UBR4: variants seen among roughly 807,000 people sequenced by gnomAD.
UBR4 encodes ubiquitin protein ligase E3 component n-recognin 4, also known as E3 ubiquitin-protein ligase UBR4.
A neutral mutation model predicts 575.6 loss-of-function variants in UBR4; 124 were observed. The ratio of observed to expected loss-of-function variants is 0.22; its 90% confidence interval spans 0.19 to 0.25. The LOEUF is 0.25. Ranked by LOEUF, UBR4 falls within the 10% of genes least tolerant of loss-of-function variation. The probability of loss-of-function intolerance (pLI) is 1.00; values close to 1 mark genes in which losing one functional copy is unlikely to be tolerated. For synonymous variants in UBR4, 2,455 were observed against 2,473.7 expected, an observed-to-expected ratio of 0.99 and a Z score of 0.22; for missense variants, 4,818 against 6,478.8, an observed-to-expected ratio of 0.74 and a Z score of 8.80.
At chr1:19,177,109 C>T (rs1482998943) in intron 19 of UBR4, among the ~76,000 whole-genome samples, 17 of 152,128 alleles carry the variant, frequency 1.1e-4, no homozygotes, top group Non-Finnish European at 1.5e-5. Flanking sequence ...TTTACCAATC[C>T]ATAAAATTTA....
chr1:19,084,394 C>A (rs555442103), intron 102 of UBR4, 110 bp downstream of exon 102: 22 of 1,198,470 alleles, frequency 1.8e-5, no homozygotes, highest in Non-Finnish European at 2.2e-5. Context: ...TTAGGCCAGA[C>A]GCTTGCTCCG....
chr1:19,174,274 T>C lies in UBR4; in HGVS notation c.2982+45A>G, dbSNP rs747786544. 1.8e-5 allele frequency: 28 copies of C among 1,565,366 alleles called. 1 individual carries two copies. The Middle Eastern group carries it at 1.7e-3, about 94-fold the overall frequency. ...GGAAATTTCTGATAGAAATGATCAATGATCAAACACAACCCAAAGACTTCT... is the reference window on the plus strand; with the variant it reads ...GGAAATTTCTGATAGAAATGATCAACGATCAAACACAACCCAAAGACTTCT... On this transcript the variant is annotated intron_variant, in intron 22 of 105. Coordinates refer to ENST00000375254, the MANE Select transcript of UBR4 (RefSeq NM_020765.3).
intron 100 of UBR4, 49 bp from the exon 101 acceptor site, chr1:19,086,319 C>A: frequency 7.6e-7 from 1 of 1,314,838 alleles, no homozygotes; most frequent in Non-Finnish European, 9.9e-7. Flanking sequence ...ATTAACGTGG[C>A]AACCAGGCAC....
chr1:19,210,036 C>G, intron 1 of UBR4, 37 bp downstream of exon 1: 3 of 1,516,938 alleles, frequency 2.0e-6, no homozygotes, highest in South Asian at 2.5e-5. Flanking sequence ...CCCCTCCCCC[C>G]ACAACAGCGT....
At chr1:19,171,003 G>A in intron 25 of UBR4, 120 bp from the exon 26 acceptor site, 1 of 1,345,220 alleles carries the variant, frequency 7.4e-7, no homozygotes, top group Non-Finnish European at 1.0e-6. Context: ...TAATGTAGTT[G>A]ATAGTGCCTG....
chr1:19,197,677 G>A lies in UBR4; in HGVS notation c.886C>T (p.Arg296Cys), dbSNP rs200068490. ...PATVADATAV[R>C]NGFHSLVIDV... Reference sequence around the variant, plus strand: ...CACTGTGAAGCACCTTACCCATTACGAACAGCAGTGGCATCTGCTACTGTT... The same window carrying A: ...CACTGTGAAGCACCTTACCCATTACAAACAGCAGTGGCATCTGCTACTGTT... Residue 296 changes from arginine (R) to cysteine (C), a missense_variant, in exon 7 of 106, where the codon CGT becomes TGT. Coordinates refer to ENST00000375254, the MANE Select transcript of UBR4 (RefSeq NM_020765.3). 25 of 1,613,824 alleles carry A rather than the reference G, an allele frequency of 1.5e-5. No homozygotes were observed. The highest frequency in any genetic ancestry group is 3.3e-5 in the Admixed American group (2 of 59,990).
intron 20 of UBR4, among the ~76,000 whole-genome samples, 169 bp downstream of exon 20, chr1:19,176,423 T>C (rs1266032215): frequency 6.6e-6 from 1 of 152,190 alleles, no homozygotes; most frequent in African/African-American, 2.4e-5. Flanking sequence ...AAATGTAGGC[T>C]ATGTGGGAGT....
At chr1:19,075,271 G>A in intron 105 of UBR4, 1 of 297,694 alleles carries the variant, frequency 3.4e-6, no homozygotes, top group South Asian at 3.1e-5. Flanking sequence ...CTGGCTGCAG[G>A]CCAGGGGTGC....
At chr1:19,123,364 T>C (rs1410959976) in intron 65 of UBR4, among the ~76,000 whole-genome samples, 1 of 151,476 alleles carries the variant, frequency 6.6e-6, no homozygotes, top group African/African-American at 2.4e-5. Flanking sequence ...GGCAGAAGAA[T>C]TGCTTGAACC....
intron 2 of UBR4, 51 bp downstream of exon 2, chr1:19,201,666 AT>A (rs1214481878): frequency 6.7e-7 from 1 of 1,494,238 alleles, no homozygotes; most frequent in Non-Finnish European, 9.3e-7. Flanking sequence ...AGGATAAACA[AT>A]CCCCCTATTC....
rs1400078173 is a variant in UBR4 at position 19,093,378 on chromosome 1, A to G, written c.14046T>C (p.Ile4682=). 1 of 1,614,074 alleles carries G rather than the reference A, an allele frequency of 6.2e-7. No homozygotes were observed. Among genetic ancestry groups the G allele is most frequent in the Non-Finnish European group, 8.5e-7 (1 of 1,180,046 alleles). The change falls in exon 96 of 106, where the codon ATT becomes ATC. Residue 4682 remains isoleucine, a synonymous_variant. Coordinates refer to ENST00000375254, the MANE Select transcript of UBR4 (RefSeq NM_020765.3). The surrounding 1 kb of genome is among the most constrained non-coding windows in gnomAD (Gnocchi z 4.8). Reference sequence around the variant, plus strand: ...CATTCTGGGTGATCCCCTTCTGGAGAATCAGATCCTTCAGCTGGTGCCCAT... The same window carrying G: ...CATTCTGGGTGATCCCCTTCTGGAGGATCAGATCCTTCAGCTGGTGCCCAT... ...NSNGHQLKDL[I]LQKGITQNAL...
At chr1:19,128,582 T>C (rs2082074011) in intron 61 of UBR4, among the ~76,000 whole-genome samples, 1 of 152,194 alleles carries the variant, frequency 6.6e-6, no homozygotes, top group South Asian at 2.1e-4. Flanking sequence ...CTATATTATA[T>C]CCAAGCAAGT....
At chr1:19,095,805 G>T in intron 92 of UBR4, 153 bp from the exon 93 acceptor site, 1 of 622,214 alleles carries the variant, frequency 1.6e-6, no homozygotes, top group Admixed American at 2.8e-5. Flanking sequence ...CTCTTCAGGG[G>T]ACATGGTGAG....
At position 19,104,069 on chromosome 1, in the gene UBR4, A is replaced by G. The variant is rs764717198; in HGVS notation, c.12901+15T>C. The G allele has an allele frequency of 1.9e-6, 3 of 1,613,558 alleles. No individual in the cohort carries two copies. The East Asian group carries it at 6.7e-5, about 36-fold the overall frequency. ...GGGACAGTGCCTTAGGCTCCAGGCC[A>G]CTGGGCAGTGCTACCTGTGGTCATG... On this transcript the variant is annotated intron_variant, in intron 87 of 105. Transcript: ENST00000375254.
chr1:19,119,455 A>G, intron 70 of UBR4, 102 bp downstream of exon 70: 2 of 1,471,786 alleles, frequency 1.4e-6, no homozygotes, highest in Admixed American at 4.4e-5. Context: ...GAGGTTTCCT[A>G]TATGGACTCC....
chr1:19,128,951 C>T (rs779729398), intron 61 of UBR4, 27 bp downstream of exon 61: 1 of 1,598,048 alleles, frequency 6.3e-7, no homozygotes, highest in Admixed American at 1.7e-5. Context: ...CATGACCTGA[C>T]AGAGATCCAG....
rs1417559188 is a variant in UBR4, at chr1:19,084,677, T to G, written c.14835A>C (p.Glu4945Asp). The G allele has an allele frequency of 6.2e-7, 1 of 1,611,702 alleles. No individual in the cohort carries two copies. ...CLARHNTYLQ[E>D]CTGQREPTYQ... ...ACGTGGGCTCCCGCTGGCCTGTACA[T>G]TCCTGGAGGTAAGTGTTGTGTCTAG... is the stretch of plus-strand genomic sequence containing the variant. Residue 4945 changes from glutamate (E) to aspartate (D), a missense_variant, in exon 102 of 106, where the codon GAA (glutamate) becomes GAC (aspartate). By Grantham distance (45) the Glu-to-Asp change is conservative (BLOSUM62 2). Around this residue, in one of 29 missense-constraint regions of UBR4, gnomAD observed 196 missense variants for 386.8 expected, o/e 0.51. Transcript: ENST00000375254.
chr1:19,080,356 A>C (rs751126549), intron 103 of UBR4: 5 of 152,214 alleles, frequency 3.3e-5, no homozygotes, highest in Non-Finnish European at 5.9e-5. Flanking sequence ...GGGAGCGTGA[A>C]GTGCCCACAG....
chr1:19,140,123 AG>A (rs1249204334), intron 58 of UBR4, among the ~76,000 whole-genome samples: 5 of 152,232 alleles, frequency 3.3e-5, no homozygotes, highest in African/African-American at 1.2e-4. Flanking sequence ...AACACAAGGA[AG>A]CATCAGTCTA....
Sources: gnomAD v4.1 joint callset for allele counts (sites outside exome capture counted in the v4.1 genomes callset) on GRCh38, gnomAD v4.1.1 for gene constraint, gnomAD v4.1.1 regional missense constraint, Gnocchi (gnomAD v3.1) non-coding constraint, MANE v1.5 for transcripts, NCBI Gene and HGNC (gene_info 2026-07-23, HGNC 2026-07-21) for gene names.